Variants in PM20D2 observed in about 807,000 individuals in gnomAD.
PM20D2 encodes peptidase M20 domain containing 2.
Under a neutral mutation model 42.9 loss-of-function variants are expected in PM20D2, and 33 were observed. That is an observed-to-expected ratio of 0.77 (90% CI 0.58 to 1.03). The LOEUF is 1.03. Ranked by LOEUF, PM20D2 falls within the 50% of genes least tolerant of loss-of-function variation. PM20D2 has a pLI of 0.00. For missense variants in PM20D2, 548 were observed against 557.0 expected, an observed-to-expected ratio of 0.98 and a Z score of 0.16; for synonymous variants, 250 against 228.2, an observed-to-expected ratio of 1.10 and a Z score of -0.86.
Position 89,153,138 on chromosome 6 carries a change from ATCTG to A in PM20D2, c.716_719del (p.Ser239CysfsTer6), listed in dbSNP as rs1218178274. On this transcript the variant is annotated frameshift_variant, in exon 3 of 7. Transcript: ENST00000275072. LOFTEE classifies it high-confidence loss of function. ...GATGCTGCTGTGCTGGCCTATAACAATCTGTCTGTGTTCAGACAGCAAATGAAAC... is the reference window on the plus strand; with the variant it reads ...GATGCTGCTGTGCTGGCCTATAACAATCTGTGTTCAGACAGCAAATGAAAC... The A allele has an allele frequency of 1.9e-6, 3 of 1,611,864 alleles. No individual in the cohort carries two copies. Among genetic ancestry groups the A allele is most frequent in the East Asian group, 4.5e-5 (2 of 44,752 alleles).
In PM20D2 at chr6:89,164,887, G is replaced by A. The variant is rs1473748973; in HGVS notation, c.*2624G>A. 7.2e-6 allele frequency: 1 copy of A among 138,288 alleles called. No individual in the cohort carries two copies. Among genetic ancestry groups the A allele is most frequent in the Non-Finnish European group, 1.5e-5 (1 of 65,040 alleles). 8.6% of individuals were successfully genotyped at this position (138,288 alleles called of 1,614,324 possible). On this transcript the variant is annotated 3_prime_UTR_variant, in exon 7 of 7. Transcript: ENST00000275072. ...TTTCAATATAATTTGGAGACCCTTT[G>A]TTATCCAAATAAAATTGATGAGTTT...
the PM20D2 span, chr6:89,095,908 G>C: frequency 6.6e-6 from 1 of 152,044 alleles, no homozygotes; most frequent in Non-Finnish European, 1.5e-5. Context: ...ACTAAACTTG[G>C]GAAGTACTTA....
chr6:89,114,128 G>C, the PM20D2 span, among the ~76,000 whole-genome samples: 1 of 152,226 alleles, frequency 6.6e-6, no homozygotes, highest in Middle Eastern at 3.4e-3. Flanking sequence ...GGTAAAATGG[G>C]GTTAACAAAG....
the PM20D2 span, among the ~76,000 whole-genome samples, chr6:89,125,564 A>G: frequency 6.6e-6 from 1 of 151,326 alleles, no homozygotes; most frequent in African/African-American, 2.4e-5. Context: ...GTGGATTACC[A>G]GAGGTCAAGA....
the PM20D2 span, among the ~76,000 whole-genome samples, chr6:89,128,774 C>T: frequency 6.6e-6 from 1 of 152,180 alleles, no homozygotes; most frequent in African/African-American, 2.4e-5. Context: ...TGTACTTTCT[C>T]TTTATTTCTC....
chr6:89,153,375 A>G (rs779092087), intron 3 of PM20D2, among the ~76,000 whole-genome samples, 190 bp downstream of exon 3: 2 of 152,196 alleles, frequency 1.3e-5, no homozygotes, highest in Non-Finnish European at 2.9e-5. Flanking sequence ...AGGGTTAGAA[A>G]GACAGTTTTG....
the PM20D2 span, among the ~76,000 whole-genome samples, chr6:89,129,564 A>G: frequency 6.7e-6 from 1 of 150,076 alleles, no homozygotes; most frequent in African/African-American, 2.5e-5. Flanking sequence ...ATGGACCAAG[A>G]CACCCCTCTT....
chr6:89,149,582 T>C (rs1206280235), intron 2 of PM20D2, among the ~76,000 whole-genome samples, 169 bp downstream of exon 2: 2 of 152,240 alleles, frequency 1.3e-5, no homozygotes, highest in South Asian at 2.1e-4. Context: ...CCTCTTCTAA[T>C]TGAGATTCAT....
the PM20D2 span, among the ~76,000 whole-genome samples, chr6:89,099,347 G>C: frequency 6.7e-6 from 1 of 149,450 alleles, no homozygotes; most frequent in Non-Finnish European, 1.5e-5. Context: ...TGCCATGACA[G>C]AACAGCTTGT....
At chr6:89,146,696 C>G (rs1770583193) in intron 1 of PM20D2, 87 bp downstream of exon 1, 11 of 1,132,920 alleles carry the variant, frequency 9.7e-6, no homozygotes, top group Non-Finnish European at 1.3e-5. Flanking sequence ...GCGTCCCGCG[C>G]GCCTCGGTGC....
the PM20D2 span, chr6:89,106,878 A>G: frequency 6.4e-6 from 3 of 472,324 alleles, no homozygotes; most frequent in Non-Finnish European, 1.2e-5. Context: ...CCAGGTCTTT[A>G]TATCTGTGTC....
At chr6:89,141,392 G>T (rs144431838), upstream of PM20D2, among the ~76,000 whole-genome samples, 8 of 152,138 alleles carry the variant, frequency 5.3e-5, no homozygotes, top group African/African-American at 1.7e-4. Flanking sequence ...TAAAGACAGA[G>T]TCTCACTCTG....
the PM20D2 span, among the ~76,000 whole-genome samples, chr6:89,103,911 T>A: frequency 6.6e-6 from 1 of 152,196 alleles, no homozygotes; most frequent in Non-Finnish European, 1.5e-5. Context: ...GAATTTATTC[T>A]TGATAACTTA....
chr6:89,143,658 T>C (rs1439399100), upstream of PM20D2, among the ~76,000 whole-genome samples: 1 of 152,092 alleles, frequency 6.6e-6, no homozygotes, highest in African/African-American at 2.4e-5. Flanking sequence ...AACATACAGG[T>C]TCCTTACCAG....
intron 2 of PM20D2, among the ~76,000 whole-genome samples, chr6:89,150,197 C>A (rs1021817223): frequency 4.0e-4 from 61 of 152,312 alleles, no homozygotes; most frequent in African/African-American, 1.4e-3. Context: ...CCTCTTAGCA[C>A]CTTACCAGGC....
chr6:89,113,817 A>AT, the PM20D2 span, among the ~76,000 whole-genome samples: 2 of 151,826 alleles, frequency 1.3e-5, no homozygotes, highest in Non-Finnish European at 2.9e-5. Context: ...TAATTTTTGT[A>AT]TTTTTTGGTG....
At chr6:89,113,555 T>G in the PM20D2 span, among the ~76,000 whole-genome samples, 1 of 152,114 alleles carries the variant, frequency 6.6e-6, no homozygotes, top group African/African-American at 2.4e-5. Flanking sequence ...GTGATCCACG[T>G]GCCTCGGCCT....
At chr6:89,098,693 G>A in the PM20D2 span, 26 of 1,613,936 alleles carry the variant, frequency 1.6e-5, no homozygotes, top group South Asian at 6.6e-5. Flanking sequence ...AGATTTACAC[G>A]GGGATCTTGC....
chr6:89,113,336 G>T, the PM20D2 span, among the ~76,000 whole-genome samples: 1 of 152,048 alleles, frequency 6.6e-6, no homozygotes, highest in South Asian at 2.1e-4. Flanking sequence ...ACCACGCCCA[G>T]CTAATTTTTA....
Sources: gnomAD v4.1 joint callset for allele counts (sites outside exome capture counted in the v4.1 genomes callset) on GRCh38, gnomAD v4.1.1 for gene constraint, MANE v1.5 for transcripts, NCBI Gene and HGNC (gene_info 2026-07-23, HGNC 2026-07-21) for gene names.